The following COL8A1 variants were observed in gnomAD, a reference collection of about 807,000 sequenced individuals.
COL8A1 encodes collagen type VIII alpha 1 chain, also known as collagen alpha-1(VIII) chain.
A neutral mutation model predicts 42.7 loss-of-function variants in COL8A1; 21 were observed. The observed-to-expected ratio is 0.49, with a 90% CI of 0.35 to 0.71. COL8A1 has a LOEUF of 0.71. Among genes scored for constraint, COL8A1 ranks in the 30% least tolerant of loss-of-function variants. The pLI, the probability that COL8A1 is intolerant of heterozygous loss-of-function variation, is 0.01. For missense variants in COL8A1, 788 were observed against 962.4 expected (o/e 0.82, Z 2.40); for synonymous variants, 367 against 369.1 (o/e 0.99, Z 0.06).
At chr3:99,792,328 TTC>T (rs1310850994) in intron 3 of COL8A1, among the ~76,000 whole-genome samples, 2 of 152,210 alleles carry the variant, frequency 1.3e-5, no homozygotes, top group East Asian at 1.9e-4. Flanking sequence ...TTGTATTTTA[TTC>T]TCTGACAGTA....
In COL8A1 at chr3:99,798,514, A is replaced by C. The variant is rs1371636884; in HGVS notation, c.*2378A>C. The C allele has an allele frequency of 2.0e-5, 3 of 152,248 alleles. No homozygotes were observed. The highest frequency in any genetic ancestry group is 2.0e-4 in the Admixed American group (3 of 15,292). 9.4% of individuals were successfully genotyped at this position (152,248 alleles called of 1,614,324 possible). ...ATGTATGGGCTTTTAATTCCCACCAAGAAAGAGAGAAATTATCTTTTTAGT... is the reference window on the plus strand; with the variant it reads ...ATGTATGGGCTTTTAATTCCCACCACGAAAGAGAGAAATTATCTTTTTAGT... On this transcript the variant is annotated 3_prime_UTR_variant, in exon 4 of 4. Coordinates refer to ENST00000652472, the MANE Select transcript of COL8A1 (RefSeq NM_020351.4).
intron 1 of COL8A1, among the ~76,000 whole-genome samples, chr3:99,684,305 G>A (rs1938983191): frequency 6.6e-6 from 1 of 152,108 alleles, no homozygotes; most frequent in African/African-American, 2.4e-5. Flanking sequence ...TGTAAGGCAA[G>A]GGTCATTATT....
chr3:99,641,054 G>A (rs1047483444), intron 1 of COL8A1, among the ~76,000 whole-genome samples: 10 of 152,108 alleles, frequency 6.6e-5, no homozygotes, highest in African/African-American at 2.4e-4. Context: ...CATTTTAGAT[G>A]TTCTACTACT....
chr3:99,670,093 G>A (rs1032297086), intron 1 of COL8A1, among the ~76,000 whole-genome samples: 3 of 152,032 alleles, frequency 2.0e-5, no homozygotes, highest in South Asian at 4.1e-4. Flanking sequence ...TTGCCTTGGT[G>A]TGAAATATAT....
At chr3:99,780,819 T>C (rs1195511142) in intron 2 of COL8A1, among the ~76,000 whole-genome samples, 1 of 152,194 alleles carries the variant, frequency 6.6e-6, no homozygotes, top group African/African-American at 2.4e-5. Flanking sequence ...GAAAACCTTA[T>C]GATTTTTCCT....
At chr3:99,737,630 C>T (rs1286999739) in intron 1 of COL8A1, among the ~76,000 whole-genome samples, 4 of 152,102 alleles carry the variant, frequency 2.6e-5, no homozygotes, top group African/African-American at 9.7e-5. Context: ...TTGAGGGTAA[C>T]CCGACCTTTC....
intron 1 of COL8A1, among the ~76,000 whole-genome samples, chr3:99,732,156 AC>A (rs1378262805): frequency 6.6e-6 from 1 of 152,156 alleles, no homozygotes; most frequent in Non-Finnish European, 1.5e-5. Context: ...AATAAATAAA[AC>A]GATTAATGCA....
At chr3:99,793,575 T>C (rs568264092) in intron 3 of COL8A1, among the ~76,000 whole-genome samples, 11 of 152,326 alleles carry the variant, frequency 7.2e-5, no homozygotes, top group East Asian at 1.9e-4. Flanking sequence ...AAATTCACTA[T>C]AATAAACACA....
chr3:99,760,651 T>G (rs1298621648), intron 2 of COL8A1, among the ~76,000 whole-genome samples: 3 of 152,216 alleles, frequency 2.0e-5, no homozygotes, highest in Non-Finnish European at 4.4e-5. Flanking sequence ...CTTACCATTT[T>G]CTGAGCTAAA....
chr3:99,759,371 T>C (rs138549267), intron 2 of COL8A1, among the ~76,000 whole-genome samples: 139 of 152,260 alleles, frequency 9.1e-4, no homozygotes, highest in African/African-American at 3.2e-3. Flanking sequence ...GCTTCTAAAA[T>C]TTATAAGGCT....
At chr3:99,791,198 C>T (rs1294355906) in intron 3 of COL8A1, among the ~76,000 whole-genome samples, 188 bp downstream of exon 3, 1 of 152,112 alleles carries the variant, frequency 6.6e-6, no homozygotes, top group African/African-American at 2.4e-5. Flanking sequence ...ATAAGACTAC[C>T]ATTTATGTTT....
chr3:99,715,994 C>T (rs1050324739), intron 1 of COL8A1, among the ~76,000 whole-genome samples: 11 of 151,976 alleles, frequency 7.2e-5, no homozygotes, highest in African/African-American at 2.4e-4. Flanking sequence ...TCTCAGAATG[C>T]CTTTATTACA....
rs563516234 is a variant in COL8A1, at chr3:99,796,140, C to CA, written c.*11dup. On this transcript the variant is annotated 3_prime_UTR_variant, in exon 4 of 4. Transcript: ENST00000652472. ...ATATTTATTGTATCCCATGTAAAAACAAAAAAACAAAAAACAAAGAAAAGA... is the reference window on the plus strand; with the variant it reads ...ATATTTATTGTATCCCATGTAAAAACAAAAAAAACAAAAAACAAAGAAAAGA... The CA allele has an allele frequency of 2.9e-4, 417 of 1,444,490 alleles. No individual in the cohort carries two copies. Among genetic ancestry groups the CA allele is most frequent in the Middle Eastern group, 1.4e-3 (7 of 5,130 alleles). The allele number at this position is 1,444,490 out of a possible 1,614,324, so 89.5% of individuals were successfully genotyped here. A position where few individuals can be genotyped will look rare whatever the true frequency, so the allele number is the denominator to read the frequency against.
intron 2 of COL8A1, among the ~76,000 whole-genome samples, chr3:99,762,697 C>CAA (rs1394676807): frequency 6.6e-6 from 1 of 152,174 alleles, no homozygotes; most frequent in Non-Finnish European, 1.5e-5. Flanking sequence ...CAGTGTATGT[C>CAA]AAGAGGCAGG....
chr3:99,655,724 A>G (rs1045506908), intron 1 of COL8A1, among the ~76,000 whole-genome samples: 5 of 152,230 alleles, frequency 3.3e-5, no homozygotes, highest in Admixed American at 2.0e-4. Context: ...GACAATGGTC[A>G]TTAAGGTTTA....
intron 1 of COL8A1, among the ~76,000 whole-genome samples, chr3:99,681,391 T>C (rs1280844831): frequency 6.6e-6 from 1 of 152,214 alleles, no homozygotes; most frequent in East Asian, 1.9e-4. Context: ...AAATCTCTTG[T>C]ATTTTCCATC....
chr3:99,644,311 C>T (rs1329815329), intron 1 of COL8A1, among the ~76,000 whole-genome samples: 2 of 152,122 alleles, frequency 1.3e-5, no homozygotes, highest in Non-Finnish European at 2.9e-5. Context: ...GGAAAGGAAC[C>T]TCATTTCACC....
intron 1 of COL8A1, among the ~76,000 whole-genome samples, chr3:99,737,034 A>G (rs1220772125): frequency 6.6e-6 from 1 of 152,018 alleles, no homozygotes; most frequent in Admixed American, 6.5e-5. Flanking sequence ...AGTCTGTTTT[A>G]TCAGAGACTA....
intron 1 of COL8A1, among the ~76,000 whole-genome samples, chr3:99,644,448 G>A (rs1314928807): frequency 1.3e-5 from 2 of 152,162 alleles, no homozygotes; most frequent in Non-Finnish European, 1.5e-5. Flanking sequence ...AGAAAGTGAC[G>A]AAGGCAGGAA....
Sources: allele counts gnomAD v4.1 joint callset (sites outside exome capture counted in the v4.1 genomes callset), GRCh38; gene constraint gnomAD v4.1.1; transcripts MANE v1.5; gene names NCBI Gene and HGNC (gene_info 2026-07-23, HGNC 2026-07-21).